Variants in JAZF1 observed in about 807,000 individuals in gnomAD.
The protein encoded by JAZF1 is JAZF zinc finger 1, also known as juxtaposed with another zinc finger protein 1.
A neutral mutation model predicts 26.4 loss-of-function variants in JAZF1; 8 were observed. The ratio of observed to expected loss-of-function variants is 0.30; its 90% CI spans 0.18 to 0.55. JAZF1 has a LOEUF of 0.55. Among genes scored for constraint, JAZF1 ranks in the 20% least tolerant of loss-of-function variants. The pLI, the probability that JAZF1 is intolerant of heterozygous loss-of-function variation, is 0.94. For synonymous variants in JAZF1, 126 were observed against 122.3 expected (o/e 1.03, Z -0.20); for missense variants, 199 against 322.0 (o/e 0.62, Z 2.92).
intron 1 of JAZF1, among the ~76,000 whole-genome samples, chr7:28,134,561 C>T (rs1013897989): frequency 1.3e-5 from 2 of 151,054 alleles, no homozygotes; most frequent in Non-Finnish European, 2.9e-5. Flanking sequence ...GATCCTCCCT[C>T]TTCAGCCTCC....
chr7:28,131,386 G>T (rs1410836724), intron 1 of JAZF1, among the ~76,000 whole-genome samples: 2 of 151,476 alleles, frequency 1.3e-5, no homozygotes, highest in Non-Finnish European at 2.9e-5. Flanking sequence ...CCATGTTAGG[G>T]AAAATAACAG....
intron 1 of JAZF1, among the ~76,000 whole-genome samples, chr7:28,076,324 G>A (rs1784050632): frequency 6.6e-6 from 1 of 152,106 alleles, no homozygotes; most frequent in Non-Finnish European, 1.5e-5. Context: ...ATAAATGAAA[G>A]GTTTGAAGGG....
chr7:28,079,659 T>C (rs1784105174), intron 1 of JAZF1, among the ~76,000 whole-genome samples: 1 of 152,252 alleles, frequency 6.6e-6, no homozygotes, highest in African/African-American at 2.4e-5. Flanking sequence ...ATGAACTGAG[T>C]AGGAACTTAA....
chr7:27,865,124 C>T (rs1044596384), intron 3 of JAZF1, among the ~76,000 whole-genome samples: 7 of 152,150 alleles, frequency 4.6e-5, no homozygotes, highest in African/African-American at 1.4e-4. Flanking sequence ...AATCCTAACA[C>T]TTTGGGAGGT....
chr7:27,833,870 A>G (rs1164283737), intron 4 of JAZF1, among the ~76,000 whole-genome samples: 6 of 152,178 alleles, frequency 3.9e-5, no homozygotes, highest in Admixed American at 3.3e-4. Flanking sequence ...TGGTGAGGAA[A>G]TGGGCTTGAG....
rs542796819 is a variant in JAZF1 at position 27,925,022 on chromosome 7, G to A, written c.189-29606C>T. On this transcript the variant is annotated intron_variant, in intron 2 of 4. Coordinates refer to ENST00000283928, the MANE Select transcript of JAZF1 (RefSeq NM_175061.4). ...ATTCCCTTTAATGCTGCCATCTTAG[G>A]AGGATATATGTACTTACTCTACTGC... 7.2e-5 allele frequency among the ~76,000 whole-genome samples: 11 copies of A among 152,284 alleles called. No individual in the cohort carries two copies. In the East Asian group the frequency reaches 1.5e-3, roughly 21 times the overall value.
chr7:28,175,820 G>C (rs1174773874), intron 1 of JAZF1, among the ~76,000 whole-genome samples: 1 of 152,186 alleles, frequency 6.6e-6, no homozygotes, highest in Non-Finnish European at 1.5e-5. Flanking sequence ...CGAAAGCTCA[G>C]GCAATTATAA....
At chr7:27,946,042 T>G (rs1254188554) in intron 2 of JAZF1, among the ~76,000 whole-genome samples, 1 of 152,112 alleles carries the variant, frequency 6.6e-6, no homozygotes, top group Non-Finnish European at 1.5e-5. Flanking sequence ...TAAAATAGGG[T>G]TTGTGTGAGT....
chr7:28,058,132 G>T (rs1783742460), intron 1 of JAZF1, among the ~76,000 whole-genome samples: 1 of 152,150 alleles, frequency 6.6e-6, no homozygotes, highest in Admixed American at 6.5e-5. Context: ...GAAGGCGGTG[G>T]TACTGATCCT....
At chr7:28,155,511 G>A (rs979701339) in intron 1 of JAZF1, among the ~76,000 whole-genome samples, 6 of 152,158 alleles carry the variant, frequency 3.9e-5, no homozygotes, top group African/African-American at 9.7e-5. Context: ...TTTAGTTTTC[G>A]AGGCAAGAGG....
chr7:28,071,149 G>A (rs905061301), intron 1 of JAZF1, among the ~76,000 whole-genome samples: 9 of 152,164 alleles, frequency 5.9e-5, no homozygotes, highest in African/African-American at 2.2e-4. Flanking sequence ...AATACTACAG[G>A]TCAGCAAGCA....
rs1785129464 is a variant in JAZF1 at position 27,958,103 on chromosome 7, T to A, written c.188+33806A>T. 7.9e-5 allele frequency among the ~76,000 whole-genome samples: 12 copies of A among 152,340 alleles called. No homozygotes were observed. In the South Asian group the frequency reaches 2.5e-3, roughly 32 times the overall value. ...TCACCTTTATTAATTTACTCATACA[T>A]TTCTTACTCCCCCTACTCCGTTACA... On this transcript the variant is annotated intron_variant, in intron 2 of 4. Coordinates refer to ENST00000283928, the MANE Select transcript of JAZF1 (RefSeq NM_175061.4).
chr7:27,844,446 G>T (rs965397868), intron 3 of JAZF1: 2 of 152,162 alleles, frequency 1.3e-5, no homozygotes, highest in Non-Finnish European at 2.9e-5. Context: ...ACCTTTGCTA[G>T]GGAACTCCTT....
At position 28,046,170 on chromosome 7, in the gene JAZF1, G is replaced by T. The variant is rs562259527; in HGVS notation, c.116-54189C>A. 2.6e-5 allele frequency among the ~76,000 whole-genome samples: 4 copies of T among 152,190 alleles called. No homozygotes were observed. The East Asian group carries it at 7.7e-4, about 29-fold the overall frequency. On this transcript the variant is annotated intron_variant, in intron 1 of 4. Transcript: ENST00000283928. ...TCCAGCTGTGCCCAGCATGACACAG[G>T]AATTATTTCTTTAGTTTCTACAAAA...
intron 1 of JAZF1, among the ~76,000 whole-genome samples, chr7:28,015,031 GTA>G (rs3073764): frequency 0.049 from 6,185 of 125,016 alleles, 457 homozygotes; most frequent in African/African-American, 0.17. Flanking sequence ...CAGAAAGTGT[GTA>G]TGTGTGTGTG....
intron 3 of JAZF1, among the ~76,000 whole-genome samples, chr7:27,884,216 C>T (rs900156094): frequency 3.3e-5 from 5 of 152,180 alleles, no homozygotes; most frequent in African/African-American, 7.2e-5. Flanking sequence ...ACTGCAGCTG[C>T]GACCTCCTGG....
intron 1 of JAZF1, among the ~76,000 whole-genome samples, chr7:28,109,733 C>T (rs1031608213): frequency 2.6e-5 from 4 of 152,172 alleles, no homozygotes; most frequent in African/African-American, 7.2e-5. Context: ...AAATAATGGT[C>T]CTTCCATCAC....
At chr7:27,977,575 T>C (rs1016616310) in intron 2 of JAZF1, among the ~76,000 whole-genome samples, 2 of 152,204 alleles carry the variant, frequency 1.3e-5, no homozygotes, top group Non-Finnish European at 2.9e-5. Context: ...CTCACCCTTG[T>C]GGCAGCCACT....
intron 3 of JAZF1, among the ~76,000 whole-genome samples, chr7:27,865,789 A>T (rs1311612700): frequency 6.6e-6 from 1 of 152,212 alleles, no homozygotes; most frequent in Non-Finnish European, 1.5e-5. Flanking sequence ...GGGAGCTGAC[A>T]GCCACAGACA....
Sources: gnomAD v4.1 joint callset for allele counts (sites outside exome capture counted in the v4.1 genomes callset) on GRCh38, gnomAD v4.1.1 for gene constraint, MANE v1.5 for transcripts, NCBI Gene and HGNC (gene_info 2026-07-23, HGNC 2026-07-21) for gene names.